TCF4: variants seen among roughly 807,000 people sequenced by gnomAD.
TCF4 encodes the protein SL3-3 enhancer factor 2.
Under a neutral mutation model 82.1 loss-of-function variants are expected in TCF4, and 3 were observed. That is an observed-to-expected ratio of 0.04 (90% CI 0.02 to 0.09). TCF4 has a LOEUF of 0.09. TCF4 is among the 10% of genes least tolerant of loss of function. The probability of loss-of-function intolerance (pLI) is 1.00; values close to 1 mark genes in which losing one functional copy is unlikely to be tolerated. For synonymous variants in TCF4, 276 were observed against 309.6 expected, an observed-to-expected ratio of 0.89 and a Z score of 1.14; for missense variants, 518 against 852.7, an observed-to-expected ratio of 0.61 and a Z score of 4.89.
chr18:55,311,009 C>T (rs2072211308), intron 8 of TCF4, among the ~76,000 whole-genome samples: 1 of 152,078 alleles, frequency 6.6e-6, no homozygotes, highest in African/African-American at 2.4e-5. Flanking sequence ...GAAGCCATTC[C>T]AGTTGGTTCA....
At chr18:55,588,552 G>A (rs1386256431), upstream of TCF4, 1 of 1,530,024 alleles carries the variant, frequency 6.5e-7, no homozygotes, top group Admixed American at 2.0e-5. Context: ...GAGGCACTTT[G>A]AAATTTATTC....
rs1280854747 is a variant in TCF4 at position 55,480,301 on chromosome 18, G to T, written c.146-16164C>A. On this transcript the variant is annotated intron_variant, in intron 3 of 19. Transcript: ENST00000354452. ...CAAAAAAAAAAAAAAAAAAAAGCGGGGGGGCGGGGGGAGGATATTATGTGT... is the reference window on the plus strand; with the variant it reads ...CAAAAAAAAAAAAAAAAAAAAGCGGTGGGGCGGGGGGAGGATATTATGTGT... 1.5e-5 allele frequency among the ~76,000 whole-genome samples: 2 copies of T among 133,828 alleles called. 1 individual carries two copies. Among genetic ancestry groups the T allele is most frequent in the Non-Finnish European group, 3.2e-5 (2 of 61,876 alleles). The allele number at this position is 133,828 out of a possible 152,430, so 87.8% of individuals were successfully genotyped here. A position where few individuals can be genotyped will look rare whatever the true frequency, so the allele number is the denominator to read the frequency against.
chr18:55,316,425 AT>A (rs2147332083), intron 8 of TCF4, among the ~76,000 whole-genome samples: 1 of 152,202 alleles, frequency 6.6e-6, no homozygotes, highest in African/African-American at 2.4e-5. Context: ...AGACTGCAGC[AT>A]TGTTTTTCTT....
At chr18:55,557,973 G>A (rs1288942507) in intron 3 of TCF4, among the ~76,000 whole-genome samples, 1 of 152,146 alleles carries the variant, frequency 6.6e-6, no homozygotes, top group African/African-American at 2.4e-5. Context: ...GGGAGACCAA[G>A]GTGGGAGGAT....
chr18:55,307,484 C>T (rs1342010610), intron 8 of TCF4, among the ~76,000 whole-genome samples: 1 of 152,192 alleles, frequency 6.6e-6, no homozygotes, highest in East Asian at 1.9e-4. Context: ...GGCCTCAACA[C>T]ACATTATATT....
intron 6 of TCF4, among the ~76,000 whole-genome samples, chr18:55,367,052 C>T (rs531711628): frequency 2.0e-5 from 3 of 152,274 alleles, no homozygotes; most frequent in Admixed American, 1.3e-4. Flanking sequence ...AGGTTTTACT[C>T]ACATGGTAGA....
chr18:55,261,264 T>C, intron 12 of TCF4: 1 of 654,064 alleles, frequency 1.5e-6, no homozygotes, highest in East Asian at 2.7e-5. Context: ...TAGTACCATT[T>C]TGAGGATGAG....
At chr18:55,447,657 A>G (rs1029037891) in intron 5 of TCF4, among the ~76,000 whole-genome samples, 1 of 152,186 alleles carries the variant, frequency 6.6e-6, no homozygotes, top group African/African-American at 2.4e-5. Context: ...TATACTGAGG[A>G]CCATATGATT....
intron 3 of TCF4, among the ~76,000 whole-genome samples, chr18:55,515,093 C>T (rs750767571): frequency 1.3e-5 from 2 of 152,014 alleles, no homozygotes; most frequent in Non-Finnish European, 2.9e-5. Flanking sequence ...AACACATAAA[C>T]GTAAAGCCAT....
chr18:55,552,661 T>TAATGGGCAAAATGCCACTG (rs2097270291), intron 3 of TCF4, among the ~76,000 whole-genome samples: 1 of 152,272 alleles, frequency 6.6e-6, no homozygotes, highest in South Asian at 2.1e-4. Context: ...ATACATCGCT[T>TAATGGGCAAAATGCCACTG]AATGGGCAAA....
intron 3 of TCF4, among the ~76,000 whole-genome samples, chr18:55,524,684 G>A (rs1387106318): frequency 6.6e-6 from 1 of 152,096 alleles, no homozygotes; most frequent in African/African-American, 2.4e-5. Flanking sequence ...CCACCCCTTA[G>A]GCTAGTTCTG....
Position 55,302,395 on chromosome 18 carries a change from T to C in TCF4, c.550-22739A>G, listed in dbSNP as rs1229625939. On this transcript the variant is annotated intron_variant, in intron 8 of 19. Transcript: ENST00000354452. ...TCAGGCAGGCTCAGGATAGACCACT[T>C]TGGGGAGACTCTGACCTTACCTCTG... 11 of 1,535,690 alleles carry C rather than the reference T, an allele frequency of 7.2e-6. No individual in the cohort carries two copies. The East Asian group carries it at 7.3e-5, about 10-fold the overall frequency.
At chr18:55,540,785 T>G (rs1225650531) in intron 3 of TCF4, among the ~76,000 whole-genome samples, 1 of 152,042 alleles carries the variant, frequency 6.6e-6, no homozygotes, top group East Asian at 1.9e-4. Context: ...TAAACTATTG[T>G]TTTTTGATAT....
chr18:55,338,711 C>G (rs1465803306), intron 8 of TCF4, among the ~76,000 whole-genome samples: 5 of 152,162 alleles, frequency 3.3e-5, no homozygotes, highest in African/African-American at 1.2e-4. Flanking sequence ...CCCCCCACAA[C>G]AAATTCTGAT....
intron 5 of TCF4, among the ~76,000 whole-genome samples, chr18:55,417,836 C>T (rs767457382): frequency 1.3e-5 from 2 of 151,796 alleles, no homozygotes; most frequent in African/African-American, 2.4e-5. Context: ...TGTTACCACT[C>T]ATTTAAATTA....
intron 6 of TCF4, among the ~76,000 whole-genome samples, chr18:55,379,540 A>C (rs1169124456): frequency 6.6e-6 from 1 of 152,178 alleles, no homozygotes; most frequent in Non-Finnish European, 1.5e-5. Context: ...CAGGGGATTC[A>C]CCAGGAAGAA....
intron 8 of TCF4, chr18:55,321,771 T>C (rs746718198): frequency 1.3e-6 from 2 of 1,516,488 alleles, no homozygotes; most frequent in Non-Finnish European, 1.8e-6. Context: ...TCAGTACCAC[T>C]CTAACAACTT....
intron 3 of TCF4, among the ~76,000 whole-genome samples, chr18:55,467,287 T>C (rs11662243): frequency 0.018 from 2,682 of 152,252 alleles, 39 homozygotes; most frequent in Middle Eastern, 0.041. Flanking sequence ...TCCTTGAACT[T>C]TGTCAGGCCT....
intron 3 of TCF4, among the ~76,000 whole-genome samples, chr18:55,465,791 C>G (rs1603492236): frequency 6.6e-6 from 1 of 152,290 alleles, no homozygotes; most frequent in East Asian, 1.9e-4. Flanking sequence ...AACAAAATCT[C>G]TCAACCACTG....
Sources: allele counts gnomAD v4.1 joint callset (sites outside exome capture counted in the v4.1 genomes callset), GRCh38; gene constraint gnomAD v4.1.1; transcripts MANE v1.5; gene names NCBI Gene and HGNC (gene_info 2026-07-23, HGNC 2026-07-21).